Variants in LRIG1 observed in about 807,000 individuals in gnomAD.
LRIG1 encodes leucine-rich repeats and immunoglobulin-like domains protein 1.
Under a neutral mutation model 99.2 loss-of-function variants are expected in LRIG1, and 48 were observed. The observed-to-expected ratio is 0.48, with a 90% CI of 0.38 to 0.62. LRIG1 has a LOEUF of 0.62. LRIG1 is among the 20% of genes least tolerant of loss of function. The pLI is 0.00. For missense variants in LRIG1, 1,646 were observed against 1,434.4 expected, an observed-to-expected ratio of 1.15 and a Z score of -2.38; for synonymous variants, 772 against 596.1, an observed-to-expected ratio of 1.29 and a Z score of -4.30.
At chr3:66,429,130 A>C (rs1703073784) in intron 3 of LRIG1, among the ~76,000 whole-genome samples, 1 of 152,206 alleles carries the variant, frequency 6.6e-6, no homozygotes, top group South Asian at 2.1e-4. Flanking sequence ...GGTCTTCAAC[A>C]AACAGCTTCC....
At chr3:66,396,741 A>G (rs1016263886) in intron 11 of LRIG1, among the ~76,000 whole-genome samples, 2 of 152,228 alleles carry the variant, frequency 1.3e-5, no homozygotes, top group Admixed American at 1.3e-4. Flanking sequence ...AAATTGAATC[A>G]GGTATTTTTC....
At chr3:66,453,982 T>C (rs1703989824) in intron 2 of LRIG1, among the ~76,000 whole-genome samples, 1 of 152,212 alleles carries the variant, frequency 6.6e-6, no homozygotes, top group South Asian at 2.1e-4. Context: ...ACAGAACTGC[T>C]GGAAGTGGAG....
rs372605889 is a variant in LRIG1 at position 66,382,585 on chromosome 3, G to A, written c.2492-187C>T. Among the ~76,000 whole-genome samples the A allele has an allele frequency of 3.7e-4, 57 of 152,322 alleles. No individual in the cohort carries two copies. In the South Asian group the frequency reaches 0.012, roughly 31 times the overall value. ...CCTGCTCAGCTTTACTCTACACCCA[G>A]CGTGAAGAGCGCAGCCAGCAGATGC... is the stretch of plus-strand genomic sequence containing the variant. On this transcript the variant is annotated intron_variant, in intron 15 of 18. Coordinates refer to ENST00000273261, the MANE Select transcript of LRIG1 (RefSeq NM_015541.3).
chr3:66,444,684 G>T (rs769039890), intron 3 of LRIG1, among the ~76,000 whole-genome samples: 7 of 152,180 alleles, frequency 4.6e-5, no homozygotes, highest in Non-Finnish European at 1.0e-4. Context: ...AAGACCCAGT[G>T]ACTTGTGTCT....
At chr3:66,413,928 T>C (rs967666283) in intron 5 of LRIG1, among the ~76,000 whole-genome samples, 6 of 151,972 alleles carry the variant, frequency 3.9e-5, no homozygotes, top group Non-Finnish European at 8.8e-5. Flanking sequence ...AATACTGTCT[T>C]ATTTTCCTGA....
intron 3 of LRIG1, among the ~76,000 whole-genome samples, chr3:66,444,176 A>G (rs555092768): frequency 6.6e-6 from 1 of 152,358 alleles, no homozygotes; most frequent in African/African-American, 2.4e-5. Flanking sequence ...CTGAGAGAGT[A>G]ACAGGGCTCC....
At chr3:66,448,126 C>G (rs1025965697) in intron 3 of LRIG1, among the ~76,000 whole-genome samples, 1 of 152,232 alleles carries the variant, frequency 6.6e-6, no homozygotes, top group Non-Finnish European at 1.5e-5. Context: ...AATATGTTAA[C>G]TGAATTAGAT....
intron 3 of LRIG1, among the ~76,000 whole-genome samples, chr3:66,421,677 G>A (rs1156540345): frequency 6.6e-6 from 1 of 152,202 alleles, no homozygotes; most frequent in Non-Finnish European, 1.5e-5. Context: ...GGGTCTAGAG[G>A]ACAGTGGCCC....
In LRIG1 at chr3:66,472,007, AAATTC is replaced by A. The variant is rs138888490; in HGVS notation, c.219-9503_219-9499del. 5.7e-3 allele frequency among the ~76,000 whole-genome samples: 872 copies of A among 152,204 alleles called. 1 individual carries two copies. The highest frequency in any genetic ancestry group is 0.02 in the African/African-American group (818 of 41,532). ...TTTCTGAAAATGTGATGCAGCTTTA[AAATTC>A]ACTAACTTCGGGCCAGGCGTGGTGG... On this transcript the variant is annotated intron_variant, in intron 1 of 18. Transcript: ENST00000273261.
At chr3:66,407,634 C>CAT (rs1702323225) in intron 7 of LRIG1, 143 bp from the exon 8 acceptor site, 1 of 780,796 alleles carries the variant, frequency 1.3e-6, no homozygotes, top group Non-Finnish European at 2.1e-6. Context: ...CACACACACA[C>CAT]CCACACCCAC....
chr3:66,442,302 T>C (rs1434824446), intron 3 of LRIG1, among the ~76,000 whole-genome samples: 3 of 152,160 alleles, frequency 2.0e-5, no homozygotes, highest in Non-Finnish European at 2.9e-5. Flanking sequence ...CTCCCAGGTG[T>C]GAGCAGACAC....
At chr3:66,402,785 G>A (rs1702110164) in intron 9 of LRIG1, among the ~76,000 whole-genome samples, 1 of 152,152 alleles carries the variant, frequency 6.6e-6, no homozygotes, top group South Asian at 2.1e-4. Context: ...ATCCTAACAG[G>A]CCGGCACTGG....
intron 3 of LRIG1, among the ~76,000 whole-genome samples, chr3:66,418,137 G>A (rs781698758): frequency 6.6e-6 from 1 of 152,018 alleles, no homozygotes; most frequent in Non-Finnish European, 1.5e-5. Context: ...CTGTCGCCAG[G>A]CTGGAGTGCA....
chr3:66,410,055 G>T (rs1472338058), intron 7 of LRIG1, 74 bp downstream of exon 7: 2 of 1,487,406 alleles, frequency 1.3e-6, no homozygotes, highest in East Asian at 4.6e-5. Flanking sequence ...GTGGTGGAAC[G>T]AACCAGGCCT....
At chr3:66,407,605 ACACG>A (rs1315838321) in intron 7 of LRIG1, 114 bp from the exon 8 acceptor site, 41 of 1,170,764 alleles carry the variant, frequency 3.5e-5, no homozygotes, top group Non-Finnish European at 1.2e-6. Flanking sequence ...ACACAGATGC[ACACG>A]CACGCGCGTG....
chr3:66,493,777 C>A (rs371315966), intron 1 of LRIG1, among the ~76,000 whole-genome samples: 2 of 139,416 alleles, frequency 1.4e-5, no homozygotes, highest in Non-Finnish European at 3.0e-5. Context: ...GCGTGGGCAA[C>A]AGAGTGAAAC....
intron 2 of LRIG1, among the ~76,000 whole-genome samples, chr3:66,459,079 A>G (rs1367040562): frequency 2.0e-5 from 3 of 152,020 alleles, no homozygotes; most frequent in Admixed American, 2.0e-4. Flanking sequence ...GTGATGTCGT[A>G]TTCTCCAAAG....
At chr3:66,482,965 C>A (rs1248159704) in intron 1 of LRIG1, among the ~76,000 whole-genome samples, 4 of 152,096 alleles carry the variant, frequency 2.6e-5, no homozygotes, top group Non-Finnish European at 4.4e-5. Context: ...TTTGTACTTT[C>A]TTCTTTATTC....
Position 66,500,218 on chromosome 3 carries a change from C to A in LRIG1, c.190G>T (p.Gly64Trp), listed in dbSNP as rs940038630. 4.6e-6 allele frequency: 7 copies of A among 1,513,274 alleles called. No individual in the cohort carries two copies. In the East Asian group the frequency reaches 1.3e-4, roughly 29 times the overall value. 93.7% of individuals were successfully genotyped at this position (1,513,274 alleles called of 1,614,324 possible). The change falls in exon 1 of 19, where the codon GGG becomes TGG. Residue 64 changes from glycine to tryptophan, a missense_variant. Gly to Trp is a radical substitution (Grantham distance 184). Transcript: ENST00000273261. ...CGGRGLAALP[G>W]DLPSWTRSLN... ...CTCCGCGTCCAGGAGGGCAGGTCCC[C>A]GGGCAACGCAGCCAGCCCGCGCCCA...
Sources: gnomAD v4.1 joint callset for allele counts (sites outside exome capture counted in the v4.1 genomes callset) on GRCh38, gnomAD v4.1.1 for gene constraint, MANE v1.5 for transcripts, NCBI Gene and HGNC (gene_info 2026-07-23, HGNC 2026-07-21) for gene names.